Variants in STXBP5L observed in about 807,000 individuals in gnomAD.
STXBP5L encodes syntaxin-binding protein 5-like.
Under a neutral mutation model 144.5 loss-of-function variants are expected in STXBP5L, and 65 were observed. The ratio of observed to expected loss-of-function variants is 0.45; its 90% CI spans 0.37 to 0.55. STXBP5L has a LOEUF of 0.55. Ranked by LOEUF, STXBP5L falls within the 20% of genes least tolerant of loss-of-function variation. The probability of loss-of-function intolerance (pLI) is 0.00; values close to 1 mark genes in which losing one functional copy is unlikely to be tolerated. For synonymous variants in STXBP5L, 505 were observed against 469.6 expected, an observed-to-expected ratio of 1.08 and a Z score of -0.97; for missense variants, 1,298 against 1,405.5, an observed-to-expected ratio of 0.92 and a Z score of 1.22.
chr3:120,943,903 C>A (rs617332), intron 2 of STXBP5L, among the ~76,000 whole-genome samples: 56,355 of 150,072 alleles, frequency 0.38, 10,738 homozygotes, highest in Non-Finnish European at 0.4. Context: ...CTCTTTTTCT[C>A]TGTCTCTTCT....
At position 121,422,604 on chromosome 3, in the gene STXBP5L, A is replaced by C. The variant is rs2047374920; in HGVS notation, c.*3507A>C. 1 of 152,136 alleles carries C rather than the reference A, an allele frequency of 6.6e-6. No individual in the cohort carries two copies. The allele number at this position is 152,136 out of a possible 1,614,324, so 9.4% of individuals were successfully genotyped here. On this transcript the variant is annotated 3_prime_UTR_variant, in exon 27 of 27. Transcript: ENST00000471454. ...AGCAGTACTACTGACTTTGCTTCTT[A>C]CACTTCACTGAGCCCCAGACTTTAG...
chr3:121,357,223 C>A (rs1281459177), intron 20 of STXBP5L: 3 of 216,140 alleles, frequency 1.4e-5, no homozygotes, highest in South Asian at 1.0e-4. Context: ...TGGAAGCTAA[C>A]CCTGGTGATC....
intron 5 of STXBP5L, among the ~76,000 whole-genome samples, chr3:121,047,088 C>G (rs1947567968): frequency 6.6e-6 from 1 of 152,040 alleles, no homozygotes; most frequent in Non-Finnish European, 1.5e-5. Flanking sequence ...TTCTTGATGT[C>G]TGCCATAATT....
intron 10 of STXBP5L, among the ~76,000 whole-genome samples, chr3:121,207,097 A>G (rs758856197): frequency 1.3e-5 from 2 of 152,198 alleles, no homozygotes; most frequent in Non-Finnish European, 2.9e-5. Context: ...TTTTATCTAT[A>G]TATAGATATC....
At chr3:121,342,148 A>G (rs937228434) in intron 20 of STXBP5L, among the ~76,000 whole-genome samples, 3 of 152,078 alleles carry the variant, frequency 2.0e-5, no homozygotes, top group African/African-American at 4.8e-5. Context: ...AAAATTAAAG[A>G]AAGAAAAATA....
intron 9 of STXBP5L, among the ~76,000 whole-genome samples, chr3:121,185,842 T>C (rs2047358277): frequency 6.6e-6 from 1 of 152,208 alleles, no homozygotes; most frequent in Non-Finnish European, 1.5e-5. Flanking sequence ...AGAAAGTCAT[T>C]GGTAGCTTGA....
chr3:120,909,064 G>C (rs572769497), intron 1 of STXBP5L: 1 of 152,456 alleles, frequency 6.6e-6, no homozygotes, highest in African/African-American at 2.4e-5. Flanking sequence ...GCTGATGGGG[G>C]AAGAGCCCGG....
chr3:121,174,548 G>A (rs1223549679), intron 9 of STXBP5L, among the ~76,000 whole-genome samples: 1 of 152,100 alleles, frequency 6.6e-6, no homozygotes, highest in Non-Finnish European at 1.5e-5. Flanking sequence ...GCCAATTTGG[G>A]AGAAACAAGA....
At chr3:121,151,550 T>G (rs1311453565) in intron 7 of STXBP5L, among the ~76,000 whole-genome samples, 1 of 152,174 alleles carries the variant, frequency 6.6e-6, no homozygotes, top group Non-Finnish European at 1.5e-5. Flanking sequence ...CACCACTATA[T>G]TTTCTGTTCT....
At chr3:121,065,670 G>T (rs779314182) in intron 5 of STXBP5L, among the ~76,000 whole-genome samples, 30 of 152,094 alleles carry the variant, frequency 2.0e-4, no homozygotes, top group Non-Finnish European at 3.8e-4. Flanking sequence ...AGCCTCCCAA[G>T]TATCTGGAAT....
At position 121,255,548 on chromosome 3, in the gene STXBP5L, C is replaced by T. The variant is rs373498058; in HGVS notation, c.1659+436C>T. On this transcript the variant is annotated intron_variant, in intron 16 of 26. Transcript: ENST00000471454. Reference sequence around the variant, plus strand: ...ACTAATAAAATGTATAGGTTTTATACATATAGTTATTGATTTATTTTTGTA... The same window carrying T: ...ACTAATAAAATGTATAGGTTTTATATATATAGTTATTGATTTATTTTTGTA... 3.3e-5 allele frequency among the ~76,000 whole-genome samples: 5 copies of T among 151,908 alleles called. No individual in the cohort carries two copies. The East Asian group carries it at 7.7e-4, about 23-fold the overall frequency.
intron 2 of STXBP5L, among the ~76,000 whole-genome samples, chr3:120,943,328 A>AT (rs1434431062): frequency 6.6e-6 from 1 of 151,792 alleles, no homozygotes; most frequent in Admixed American, 6.6e-5. Flanking sequence ...TTGCAAAGAC[A>AT]TTTATATGAT....
intron 3 of STXBP5L, among the ~76,000 whole-genome samples, chr3:120,963,366 G>T (rs529090997): frequency 2.0e-5 from 3 of 152,270 alleles, no homozygotes; most frequent in South Asian, 4.1e-4. Flanking sequence ...TTTTCAAAGG[G>T]AATGCTTCCA....
At chr3:121,255,996 A>G (rs924429126) in intron 16 of STXBP5L, among the ~76,000 whole-genome samples, 14 of 152,122 alleles carry the variant, frequency 9.2e-5, no homozygotes, top group Non-Finnish European at 1.8e-4. Flanking sequence ...GCTTTGAGTC[A>G]GATAAACCTA....
chr3:121,281,132 TC>T (rs1464755629), intron 19 of STXBP5L, among the ~76,000 whole-genome samples: 3 of 151,882 alleles, frequency 2.0e-5, no homozygotes, highest in Non-Finnish European at 4.4e-5. Context: ...TAAATGAATT[TC>T]CTTTTTGGAC....
At chr3:121,250,926 A>C (rs1559905688) in intron 15 of STXBP5L, among the ~76,000 whole-genome samples, 163 bp downstream of exon 15, 1 of 152,164 alleles carries the variant, frequency 6.6e-6, no homozygotes, top group Admixed American at 6.5e-5. Flanking sequence ...ATCAGTTGAA[A>C]GTATTATCTC....
At chr3:121,005,587 C>T (rs1242171996) in intron 3 of STXBP5L, among the ~76,000 whole-genome samples, 2 of 152,142 alleles carry the variant, frequency 1.3e-5, no homozygotes, top group Non-Finnish European at 2.9e-5. Flanking sequence ...TTCTTGCCTT[C>T]TGCTAGCTTT....
chr3:121,320,635 G>A (rs2043939756), intron 20 of STXBP5L, among the ~76,000 whole-genome samples: 1 of 151,218 alleles, frequency 6.6e-6, no homozygotes, highest in African/African-American at 2.4e-5. Context: ...CTTTGCCTAT[G>A]ATGTTTCTTC....
chr3:121,160,609 TC>T (rs2046289030), intron 9 of STXBP5L, among the ~76,000 whole-genome samples: 1 of 151,850 alleles, frequency 6.6e-6, no homozygotes, highest in Admixed American at 6.6e-5. Flanking sequence ...GGAGGGGGAG[TC>T]CTGGAATCAA....
Sources: allele counts gnomAD v4.1 joint callset (sites outside exome capture counted in the v4.1 genomes callset), GRCh38; gene constraint gnomAD v4.1.1; transcripts MANE v1.5; gene names NCBI Gene and HGNC (gene_info 2026-07-23, HGNC 2026-07-21).